The following MAGI2 variants were observed in gnomAD, a reference collection of about 807,000 sequenced individuals.
MAGI2 encodes the protein membrane associated guanylate kinase, WW and PDZ domain containing 2.
In MAGI2, 35 loss-of-function variants were observed where a neutral mutation model predicts 133.3. The ratio of observed to expected loss-of-function variants is 0.26; its 90% CI spans 0.20 to 0.35. The LOEUF (loss-of-function observed/expected upper bound fraction) is 0.35, where lower values mean the gene tolerates loss of function less well. Ranked by LOEUF, MAGI2 falls within the 10% of genes least tolerant of loss-of-function variation. MAGI2 has a pLI of 1.00. For synonymous variants in MAGI2, 729 were observed against 710.6 expected (o/e 1.03, Z -0.41); for missense variants, 1,636 against 1,863.4 (o/e 0.88, Z 2.25).
At chr7:78,238,534 CA>C (rs57547010) in intron 10 of MAGI2, among the ~76,000 whole-genome samples, 7 of 149,958 alleles carry the variant, frequency 4.7e-5, no homozygotes, top group East Asian at 3.9e-4. Flanking sequence ...GAACCTGTCT[CA>C]AAAAAAAAAT....
At chr7:79,043,116 C>T (rs1214314128) in intron 1 of MAGI2, among the ~76,000 whole-genome samples, 1 of 151,978 alleles carries the variant, frequency 6.6e-6, no homozygotes, top group Admixed American at 6.6e-5. Context: ...ACTGAACACC[C>T]ACATCAAAAA....
At chr7:78,650,070 A>C (rs1020042230) in intron 2 of MAGI2, among the ~76,000 whole-genome samples, 6 of 152,122 alleles carry the variant, frequency 3.9e-5, no homozygotes, top group Non-Finnish European at 8.8e-5. Flanking sequence ...TAGAGTAGTA[A>C]GGTGTTAGTC....
intron 1 of MAGI2, among the ~76,000 whole-genome samples, chr7:79,448,586 C>T (rs1849021670): frequency 2.0e-5 from 3 of 152,118 alleles, no homozygotes; most frequent in Admixed American, 2.0e-4. Context: ...CACTAACTGA[C>T]ATACTCAGGA....
At position 79,443,455 on chromosome 7, in the gene MAGI2, T is replaced by C. The variant is rs181133411; in HGVS notation, c.301+9565A>G. Among the ~76,000 whole-genome samples, 9 of 152,228 alleles carry C rather than the reference T, an allele frequency of 5.9e-5. No homozygotes were observed. The East Asian group carries it at 9.7e-4, about 16-fold the overall frequency. ...AAGAAAAACTTCACAAAAAGCAACA[T>C]TGGACAATTCATATCTCTGAAACTT... On this transcript the variant is annotated intron_variant, in intron 1 of 21. Coordinates refer to ENST00000354212, the MANE Select transcript of MAGI2 (RefSeq NM_012301.4).
intron 1 of MAGI2, among the ~76,000 whole-genome samples, chr7:79,169,869 G>C (rs1325163496): frequency 6.7e-6 from 1 of 150,156 alleles, no homozygotes; most frequent in Non-Finnish European, 1.5e-5. Context: ...CTTTTTTTTT[G>C]TCTTTTTAAC....
At chr7:78,866,567 C>T (rs568943019) in intron 2 of MAGI2, among the ~76,000 whole-genome samples, 3 of 151,988 alleles carry the variant, frequency 2.0e-5, no homozygotes, top group African/African-American at 7.2e-5. Flanking sequence ...CATAGTCAAT[C>T]CCCTATGGTC....
intron 21 of MAGI2, among the ~76,000 whole-genome samples, chr7:78,048,042 C>G (rs1214154597): frequency 3.9e-5 from 6 of 152,216 alleles, no homozygotes; most frequent in Non-Finnish European, 8.8e-5. Context: ...TATCAGATAA[C>G]AGCTGTGGCT....
Position 78,860,512 on chromosome 7 carries a change from C to G in MAGI2, c.418+146578G>C, listed in dbSNP as rs569215365. ...TGTGGGAGTTTGCTGGAGGTTCACTCCAGACCCTGTTTGCCTGGGTATCAC... is the reference window on the plus strand; with the variant it reads ...TGTGGGAGTTTGCTGGAGGTTCACTGCAGACCCTGTTTGCCTGGGTATCAC... On this transcript the variant is annotated intron_variant, in intron 2 of 21. Transcript: ENST00000354212. Among the ~76,000 whole-genome samples, 5 of 152,270 alleles carry G rather than the reference C, an allele frequency of 3.3e-5. No individual in the cohort carries two copies. The South Asian group carries it at 1.0e-3, about 32-fold the overall frequency.
chr7:79,079,576 A>G (rs1815851238), intron 1 of MAGI2, among the ~76,000 whole-genome samples: 1 of 152,178 alleles, frequency 6.6e-6, no homozygotes, highest in Non-Finnish European at 1.5e-5. Flanking sequence ...TGCCTTAAGT[A>G]GCTATGGCTA....
intron 1 of MAGI2, among the ~76,000 whole-genome samples, chr7:79,310,665 A>C (rs1838211328): frequency 1.3e-5 from 2 of 152,184 alleles, no homozygotes; most frequent in African/African-American, 4.8e-5. Context: ...CACTGGAATA[A>C]GGGAAGCAAC....
In MAGI2 at chr7:78,521,637, A is replaced by C; in HGVS notation, c.547T>G (p.Tyr183Asp). 1 of 1,614,038 alleles carries C rather than the reference A, an allele frequency of 6.2e-7. No individual in the cohort carries two copies. Among genetic ancestry groups the C allele is most frequent in the Non-Finnish European group, 8.5e-7 (1 of 1,179,898 alleles). The change falls in exon 4 of 22, where the codon TAC becomes GAC. Residue 183 changes from tyrosine (Y) to aspartate (D), a missense_variant. By Grantham distance (160) the Tyr-to-Asp change is radical. Coordinates refer to ENST00000354212, the MANE Select transcript of MAGI2 (RefSeq NM_012301.4). ...TCTGCTGGCGGCTTTGGGGTACCGTAGTAATTGTCTGCAAACAATACCAAA... is the reference window on the plus strand; with the variant it reads ...TCTGCTGGCGGCTTTGGGGTACCGTCGTAATTGTCTGCAAACAATACCAAA... ...LESGTYEDNY[Y>D]GTPKPPAEPA...
chr7:79,015,724 AT>A (rs1467106864), intron 1 of MAGI2, among the ~76,000 whole-genome samples: 2 of 152,224 alleles, frequency 1.3e-5, no homozygotes, highest in East Asian at 1.9e-4. Context: ...GTATATTATA[AT>A]TATGTCCTCG....
chr7:78,188,510 T>A (rs1584319558), intron 12 of MAGI2, among the ~76,000 whole-genome samples: 1 of 152,236 alleles, frequency 6.6e-6, no homozygotes, highest in African/African-American at 2.4e-5. Context: ...CATTGTTACA[T>A]CTTTTTCTAT....
At chr7:78,922,028 T>G (rs1049358614) in intron 2 of MAGI2, among the ~76,000 whole-genome samples, 45 of 152,238 alleles carry the variant, frequency 3.0e-4, no homozygotes, top group African/African-American at 1.1e-3. Context: ...AGAAATATGA[T>G]TTCCTACGTT....
At chr7:78,070,630 G>GTATA (rs1327011755) in intron 21 of MAGI2, among the ~76,000 whole-genome samples, 1 of 136,794 alleles carries the variant, frequency 7.3e-6, no homozygotes, top group Non-Finnish European at 1.5e-5. Flanking sequence ...GTGTGTGTGT[G>GTATA]TATATATATA....
At chr7:78,477,843 G>T (rs1791938515) in intron 6 of MAGI2, among the ~76,000 whole-genome samples, 1 of 151,932 alleles carries the variant, frequency 6.6e-6, no homozygotes, top group Non-Finnish European at 1.5e-5. Flanking sequence ...CTGATATGAT[G>T]TCCTAGGGAA....
At chr7:78,785,360 T>C (rs1366619458) in intron 2 of MAGI2, among the ~76,000 whole-genome samples, 1 of 152,198 alleles carries the variant, frequency 6.6e-6, no homozygotes, top group Non-Finnish European at 1.5e-5. Context: ...TTTTTATTGG[T>C]TTTTACAGCC....
chr7:78,360,739 C>T (rs768791818), intron 7 of MAGI2, among the ~76,000 whole-genome samples: 2 of 152,204 alleles, frequency 1.3e-5, no homozygotes, highest in Non-Finnish European at 2.9e-5. Flanking sequence ...GCACTGCTCA[C>T]GCAGCTCACA....
At chr7:79,277,369 G>C (rs1015587645) in intron 1 of MAGI2, among the ~76,000 whole-genome samples, 1 of 152,026 alleles carries the variant, frequency 6.6e-6, no homozygotes, top group East Asian at 1.9e-4. Context: ...CACACACTTA[G>C]TAGACTATAG....
Sources: allele counts gnomAD v4.1 joint callset (sites outside exome capture counted in the v4.1 genomes callset), GRCh38; gene constraint gnomAD v4.1.1; transcripts MANE v1.5; gene names NCBI Gene and HGNC (gene_info 2026-07-23, HGNC 2026-07-21).